The following CEPT1 variants were observed in gnomAD, a reference collection of about 807,000 sequenced individuals.
The protein encoded by CEPT1 is choline/ethanolaminephosphotransferase 1.
In CEPT1, 7 loss-of-function variants were observed where a neutral mutation model predicts 42.6. That is an observed-to-expected ratio of 0.16 (90% CI 0.09 to 0.31). The LOEUF (loss-of-function observed/expected upper bound fraction) is 0.31, where lower values mean the gene tolerates loss of function less well. Among genes scored for constraint, CEPT1 ranks in the 10% least tolerant of loss-of-function variants. The probability of loss-of-function intolerance (pLI) is 1.00; values close to 1 mark genes in which losing one functional copy is unlikely to be tolerated. For synonymous variants in CEPT1, 171 were observed against 171.9 expected (o/e 0.99, Z 0.04); for missense variants, 306 against 502.1 (o/e 0.61, Z 3.73).
At chr1:111,163,274 C>G (rs1280553569) in intron 4 of CEPT1, among the ~76,000 whole-genome samples, 1 of 152,134 alleles carries the variant, frequency 6.6e-6, no homozygotes, top group African/African-American at 2.4e-5. Flanking sequence ...AGAAATTCTA[C>G]ATTTGCATTA....
In CEPT1 at chr1:111,144,600, G is replaced by A. The variant is rs1457243405; in HGVS notation, c.-73-3042G>A. On this transcript the variant is annotated intron_variant, in intron 1 of 8. Coordinates refer to ENST00000357172, the MANE Select transcript of CEPT1 (RefSeq NM_006090.5). Reference sequence around the variant, plus strand: ...AGTTTATCAACTAGTCCTGCCAAATGCTCAGACTTAAAACCATTAGGATCA... The same window carrying A: ...AGTTTATCAACTAGTCCTGCCAAATACTCAGACTTAAAACCATTAGGATCA... 2.6e-5 allele frequency among the ~76,000 whole-genome samples: 4 copies of A among 152,314 alleles called. No individual in the cohort carries two copies. The South Asian group carries it at 8.3e-4, about 32-fold the overall frequency.
intron 1 of CEPT1, chr1:111,143,580 G>C (rs757235682): frequency 7.2e-5 from 11 of 152,110 alleles, no homozygotes; most frequent in Non-Finnish European, 1.6e-4. Flanking sequence ...AAGACTGGTG[G>C]CTAGGTTTCT....
In CEPT1 at chr1:111,161,311, A is replaced by G. The variant is rs554005812; in HGVS notation, c.629+15A>G. 4.4e-6 allele frequency: 7 copies of G among 1,584,636 alleles called. No individual in the cohort carries two copies. The South Asian group carries it at 4.6e-5, about 11-fold the overall frequency. On this transcript the variant is annotated intron_variant, in intron 4 of 8. Coordinates refer to ENST00000357172, the MANE Select transcript of CEPT1 (RefSeq NM_006090.5). Reference sequence around the variant, plus strand: ...CGATTTGGAATGTAAGTAATACTTAATGGTAATTTTTGTTTTCTCTTTCAC... The same window carrying G: ...CGATTTGGAATGTAAGTAATACTTAGTGGTAATTTTTGTTTTCTCTTTCAC...
At chr1:111,154,759 C>T (rs1239440435) in intron 2 of CEPT1, among the ~76,000 whole-genome samples, 2 of 152,092 alleles carry the variant, frequency 1.3e-5, no homozygotes, top group African/African-American at 2.4e-5. Flanking sequence ...GATCTTAGTT[C>T]TTCGTTCTGT....
intron 8 of CEPT1, among the ~76,000 whole-genome samples, chr1:111,183,853 A>T (rs529708685): frequency 6.6e-6 from 1 of 152,188 alleles, no homozygotes; most frequent in African/African-American, 2.4e-5. Flanking sequence ...ATGAATCAGC[A>T]TACTACACCC....
chr1:111,160,993 A>C, intron 3 of CEPT1, 162 bp from the exon 4 acceptor site: 1 of 709,556 alleles, frequency 1.4e-6, no homozygotes, highest in Non-Finnish European at 2.3e-6. Flanking sequence ...TTATGGGGTA[A>C]GAGATTATGT....
chr1:111,168,499 T>C (rs1346082048), intron 4 of CEPT1, among the ~76,000 whole-genome samples: 1 of 152,016 alleles, frequency 6.6e-6, no homozygotes, highest in African/African-American at 2.4e-5. Flanking sequence ...GGTTCTTTTT[T>C]TTTTTTTGAG....
intron 3 of CEPT1, 31 bp downstream of exon 3, chr1:111,159,558 A>T (rs768902296): frequency 4.4e-6 from 7 of 1,578,138 alleles, no homozygotes; most frequent in Non-Finnish European, 6.0e-6. Flanking sequence ...GTTATTGATT[A>T]TTAACAATGG....
At chr1:111,166,588 C>A (rs1281006718) in intron 4 of CEPT1, among the ~76,000 whole-genome samples, 2 of 152,174 alleles carry the variant, frequency 1.3e-5, no homozygotes, top group Admixed American at 6.5e-5. Flanking sequence ...TTCCCACTTA[C>A]CCTTTCCACA....
chr1:111,161,295 A>G lies in CEPT1; in HGVS notation c.628A>G (p.Ile210Val). 6.2e-7 allele frequency: 1 copy of G among 1,607,380 alleles called. No homozygotes were observed. The highest frequency in any genetic ancestry group is 8.5e-7 in the Non-Finnish European group (1 of 1,177,624). Residue 210 changes from isoleucine (I) to valine (V), a missense_variant and splice_region_variant, in exon 4 of 9, where the codon ATA becomes GTA. By Grantham distance (29) the Ile-to-Val change is conservative. Around this residue, in one of 2 missense-constraint regions of CEPT1, gnomAD observed 253 missense variants for 447.3 expected, o/e 0.57. Transcript: ENST00000357172. ...TGTTTCTGGAACATTGCGATTTGGA[A>G]TGTAAGTAATACTTAATGGTAATTT... ...TYVSGTLRFGIIDVTEVQIFI... is the reference protein window; with the variant it reads ...TYVSGTLRFGVIDVTEVQIFI...
At chr1:111,139,730 G>C (rs932861134), upstream of CEPT1, 3 of 152,482 alleles carry the variant, frequency 2.0e-5, no homozygotes, top group Non-Finnish European at 2.9e-5. Flanking sequence ...GGCAGGAGGA[G>C]AGTAGGGGAA....
intron 1 of CEPT1, among the ~76,000 whole-genome samples, chr1:111,143,329 A>T (rs1269436601): frequency 4.6e-5 from 7 of 152,342 alleles, no homozygotes; most frequent in African/African-American, 1.4e-4. Context: ...TGAGCTTGGT[A>T]TAGAAGCTAC....
At chr1:111,168,735 A>G (rs1000086073) in intron 4 of CEPT1, among the ~76,000 whole-genome samples, 2 of 152,168 alleles carry the variant, frequency 1.3e-5, no homozygotes, top group African/African-American at 2.4e-5. Context: ...TGATCTGCCC[A>G]CCTGGCTGAG....
At chr1:111,174,245 CTG>C (rs1207602941) in intron 4 of CEPT1, among the ~76,000 whole-genome samples, 1 of 152,082 alleles carries the variant, frequency 6.6e-6, no homozygotes, top group Non-Finnish European at 1.5e-5. Flanking sequence ...CTCTTCTTGA[CTG>C]TAAAATTATT....
At chr1:111,151,156 C>A (rs372752320) in intron 2 of CEPT1, among the ~76,000 whole-genome samples, 1 of 145,496 alleles carries the variant, frequency 6.9e-6, no homozygotes, top group East Asian at 2.0e-4. Context: ...GACGGAGTCT[C>A]GCTCTGTTGC....
At position 111,184,450 on chromosome 1, in the gene CEPT1, C is replaced by T. The variant is rs530830313; in HGVS notation, c.*140C>T. ...CTTTTATTCTTTATTATTGGTAACA[C>T]GCCCTAACTATCCTGTGTGAGAATG... On this transcript the variant is annotated 3_prime_UTR_variant, in exon 9 of 9. Transcript: ENST00000357172. The T allele has an allele frequency of 2.5e-4, 146 of 591,298 alleles. 1 individual carries two copies. In the South Asian group the frequency reaches 3.8e-3, roughly 16 times the overall value. 36.6% of individuals were successfully genotyped at this position (591,298 alleles called of 1,614,324 possible).
At chr1:111,160,033 GA>G in intron 3 of CEPT1, 1 of 152,258 alleles carries the variant, frequency 6.6e-6, no homozygotes, top group Non-Finnish European at 1.5e-5. Flanking sequence ...TACCACAGGA[GA>G]AAAAAGGTAA....
chr1:111,175,459 T>C (rs959869955), intron 5 of CEPT1, among the ~76,000 whole-genome samples: 2 of 152,104 alleles, frequency 1.3e-5, no homozygotes, highest in African/African-American at 4.8e-5. Flanking sequence ...ACCTGAAATA[T>C]AGTCACTCTT....
intron 1 of CEPT1, among the ~76,000 whole-genome samples, chr1:111,142,452 A>G (rs1005726255): frequency 1.3e-5 from 2 of 152,172 alleles, no homozygotes; most frequent in Non-Finnish European, 2.9e-5. Context: ...CTAAGTGTTT[A>G]TTAAATACTA....
Sources: allele counts gnomAD v4.1 joint callset (sites outside exome capture counted in the v4.1 genomes callset), GRCh38; gene constraint gnomAD v4.1.1; regional missense constraint gnomAD v4.1.1; transcripts MANE v1.5; gene names NCBI Gene and HGNC (gene_info 2026-07-23, HGNC 2026-07-21).